Variants in FRMD7 observed in about 807,000 individuals in gnomAD.
FRMD7 encodes FERM domain-containing protein 7.
A neutral mutation model predicts 44.1 loss-of-function variants in FRMD7; 14 were observed. The observed-to-expected ratio is 0.32, with a 90% CI of 0.21 to 0.50. The LOEUF is 0.50. FRMD7 is among the 20% of genes least tolerant of loss of function. The pLI is 0.99. For synonymous variants in FRMD7, 212 were observed against 187.4 expected (o/e 1.13, Z -1.07); for missense variants, 501 against 522.3 (o/e 0.96, Z 0.40).
intron 1 of FRMD7, among the ~76,000 whole-genome samples, chrX:132,117,724 T>TA (rs1928936490): frequency 8.9e-6 from 1 of 112,000 alleles, no homozygotes; most frequent in Non-Finnish European, 1.9e-5. Context: ...ACCAACTTTT[T>TA]TAAAAAAATG....
intron 1 of FRMD7, among the ~76,000 whole-genome samples, chrX:132,107,604 GGAGAGAGAGAGA>G (rs749047439): frequency 1.1e-5 from 1 of 91,195 alleles, no homozygotes; most frequent in African/African-American, 4.4e-5. Flanking sequence ...TCTACATGGT[GGAGAGAGAGAGA>G]GAGAGAGAGA....
chrX:132,116,372 C>T (rs1185239371), intron 1 of FRMD7, among the ~76,000 whole-genome samples: 1 of 111,593 alleles, frequency 9.0e-6, no homozygotes, highest in Non-Finnish European at 1.9e-5. Context: ...TCTCAGATGC[C>T]ACGTATTTTT....
chrX:132,109,193 C>A, intron 1 of FRMD7, among the ~76,000 whole-genome samples: 1 of 111,783 alleles, frequency 8.9e-6, no homozygotes, highest in Admixed American at 9.5e-5. Context: ...ACCTTTTGGT[C>A]ATTTTAACCC....
At chrX:132,088,593 A>T (rs1284700674) in intron 5 of FRMD7, among the ~76,000 whole-genome samples, 9 of 111,050 alleles carry the variant, frequency 8.1e-5, no homozygotes, top group African/African-American at 2.9e-4. Context: ...AAGAAAAAAA[A>T]TCCCAAGGAA....
At chrX:132,108,574 C>G (rs946529569) in intron 1 of FRMD7, among the ~76,000 whole-genome samples, 1 of 111,108 alleles carries the variant, frequency 9.0e-6, no homozygotes, top group African/African-American at 3.3e-5. Flanking sequence ...TAGAGGATAA[C>G]AAGGGGCACT....
At chrX:132,089,345 G>A (rs763959054) in intron 5 of FRMD7, among the ~76,000 whole-genome samples, 37 of 111,619 alleles carry the variant, frequency 3.3e-4, no homozygotes, top group African/African-American at 4.6e-4. Context: ...CCATGCAAGC[G>A]TACAAAAAAA....
At chrX:132,124,016 C>T (rs1408808508) in intron 1 of FRMD7, among the ~76,000 whole-genome samples, 1 of 111,609 alleles carries the variant, frequency 9.0e-6, no homozygotes, top group Non-Finnish European at 1.9e-5. Flanking sequence ...GATGAGCAAA[C>T]AAGAGGTTGC....
In FRMD7 at chrX:132,102,885, C is replaced by T. The variant is rs1237689898; in HGVS notation, c.58-2169G>A. On this transcript the variant is annotated intron_variant, in intron 1 of 11. Transcript: ENST00000298542. The stretch of plus-strand genomic sequence containing the variant: ...GTATATTTACATGTTTCTGCAATTA[C>T]AAAGCATATGTAGCCATTCTTTTAA... Among the ~76,000 whole-genome samples the T allele has an allele frequency of 4.5e-5, 5 of 112,350 alleles. No homozygotes were observed. The East Asian group carries it at 1.1e-3, about 25-fold the overall frequency.
chrX:132,099,593 A>G (rs1239990693), intron 2 of FRMD7, 83 bp from the exon 3 acceptor site: 6 of 645,261 alleles, frequency 9.3e-6, no homozygotes, highest in East Asian at 3.5e-5. Context: ...AAAGATTAAC[A>G]TGAAATAAAT....
chrX:132,127,706 C>T, intron 1 of FRMD7, 82 bp downstream of exon 1: 1 of 760,597 alleles, frequency 1.3e-6, no homozygotes, highest in South Asian at 2.1e-5. Context: ...GAAGACATAA[C>T]ATTGCTCTCT....
Position 132,077,719 on chromosome X carries a change from A to T in FRMD7, c.*153T>A. ...AGTGAAACTCAAGGAATGAGGCAAC[A>T]GCTGGATCTTTCATAAGGCAGGCAT... On this transcript the variant is annotated 3_prime_UTR_variant, in exon 12 of 12. Transcript: ENST00000298542. The T allele has an allele frequency of 1.3e-6, 1 of 783,665 alleles. No individual in the cohort carries two copies. Among genetic ancestry groups the T allele is most frequent in the South Asian group, 2.7e-5 (1 of 37,279 alleles). The allele number at this position is 783,665 out of a possible 1,213,427, so 64.6% of individuals were successfully genotyped here. A position where few individuals can be genotyped will look rare whatever the true frequency, so the allele number is the denominator to read the frequency against.
At chrX:132,100,154 C>T (rs1184303310) in intron 2 of FRMD7, among the ~76,000 whole-genome samples, 1 of 111,838 alleles carries the variant, frequency 8.9e-6, no homozygotes, top group Non-Finnish European at 1.9e-5. Context: ...TGTTTTGAAA[C>T]AGAGTCTCAC....
Position 132,127,947 on chromosome X carries a change from C to G in FRMD7, c.-103G>C. ...ATGTGGTGCACTCGGGCCCCCCCAC[C>G]CCCAGCCAGGCATTCCCACTGTCAG... On this transcript the variant is annotated 5_prime_UTR_variant, in exon 1 of 12. Coordinates refer to ENST00000298542, the MANE Select transcript of FRMD7 (RefSeq NM_194277.3). 1.5e-6 allele frequency: 1 copy of G among 675,736 alleles called. No individual in the cohort carries two copies. The highest frequency in any genetic ancestry group is 2.4e-6 in the Non-Finnish European group (1 of 410,331). The allele number at this position is 675,736 out of a possible 1,213,427, so 55.7% of individuals were successfully genotyped here.
At chrX:132,116,588 T>C (rs888127262) in intron 1 of FRMD7, among the ~76,000 whole-genome samples, 1 of 111,758 alleles carries the variant, frequency 8.9e-6, no homozygotes, top group Non-Finnish European at 1.9e-5. Context: ...CACCGCATGT[T>C]CTCACTCATA....
chrX:132,097,143 A>G (rs1323216307), intron 4 of FRMD7, 123 bp downstream of exon 4: 2 of 574,493 alleles, frequency 3.5e-6, no homozygotes, highest in Admixed American at 4.5e-5. Context: ...GATCCTCACC[A>G]TCTCCCAGAC....
At chrX:132,096,716 CAAAAA>C (rs34250894) in intron 4 of FRMD7, among the ~76,000 whole-genome samples, 2 of 55,583 alleles carry the variant, frequency 3.6e-5, no homozygotes. Context: ...GACCCTGTCT[CAAAAA>C]AAAAAAAAAA....
At chrX:132,093,100 T>G (rs760518622) in intron 5 of FRMD7, among the ~76,000 whole-genome samples, 2 of 111,645 alleles carry the variant, frequency 1.8e-5, no homozygotes, top group Non-Finnish European at 3.8e-5. Flanking sequence ...CCCTCTGCCT[T>G]TCTGAGATCC....
Position 132,078,656 on chromosome X carries a change from C to T in FRMD7, c.1361G>A (p.Gly454Asp). Residue 454 changes from glycine (G) to aspartate (D), a missense_variant, in exon 12 of 12, where the codon GGT (glycine) becomes GAT (aspartate). Physicochemically the swap from Gly to Asp is moderately conservative, Grantham distance 94. Around this residue, in one of 3 missense-constraint regions of FRMD7, gnomAD observed 453 missense variants for 452.7 expected, o/e 1.00. Transcript: ENST00000298542. ...GCCAGAATATATGCTCATGTGATTA[C>T]CAGAAAACTTACAGCTTGTTTGGAA... The part of the protein sequence containing the change: ...SSFQTSCKFS[G>D]NHMSIYSGLT... 8.3e-7 allele frequency: 1 copy of T among 1,211,555 alleles called. No individual in the cohort carries two copies. Among genetic ancestry groups the T allele is most frequent in the Non-Finnish European group, 1.1e-6 (1 of 895,317 alleles).
intron 6 of FRMD7, 49 bp downstream of exon 6, chrX:132,085,871 T>C (rs769211634): frequency 9.6e-7 from 1 of 1,036,460 alleles, no homozygotes; most frequent in Non-Finnish European, 1.4e-6. Context: ...CTGTCCCCAA[T>C]TTTAGTGTTC....
Sources: gnomAD v4.1 joint callset for allele counts (sites outside exome capture counted in the v4.1 genomes callset) on GRCh38, gnomAD v4.1.1 for gene constraint, gnomAD v4.1.1 regional missense constraint, MANE v1.5 for transcripts, NCBI Gene and HGNC (gene_info 2026-07-23, HGNC 2026-07-21) for gene names.